Variants in CTNNBL1 observed in about 807,000 individuals in gnomAD.
CTNNBL1 encodes the protein beta-catenin-like protein 1.
Under a neutral mutation model 72.7 loss-of-function variants are expected in CTNNBL1, and 31 were observed. The observed-to-expected ratio is 0.43, with a 90% CI of 0.32 to 0.58. The LOEUF (loss-of-function observed/expected upper bound fraction) is 0.58, where lower values mean the gene tolerates loss of function less well. CTNNBL1 is among the 20% of genes least tolerant of loss of function. The pLI, the probability that CTNNBL1 is intolerant of heterozygous loss-of-function variation, is 0.08. For missense variants in CTNNBL1, 534 were observed against 725.1 expected (o/e 0.74, Z 3.03); for synonymous variants, 240 against 267.3 (o/e 0.90, Z 1.00).
intron 13 of CTNNBL1, among the ~76,000 whole-genome samples, chr20:37,859,227 C>A (rs376943012): frequency 6.6e-6 from 1 of 151,842 alleles, no homozygotes; most frequent in Non-Finnish European, 1.5e-5. Context: ...CGTGGTGGCA[C>A]GTGCCTGTAA....
chr20:37,788,501 C>T (rs1254907159), intron 10 of CTNNBL1, among the ~76,000 whole-genome samples: 2 of 152,186 alleles, frequency 1.3e-5, no homozygotes, highest in African/African-American at 4.8e-5. Flanking sequence ...TTTTCCCTGT[C>T]AAATTTTTCA....
At chr20:37,710,149 G>C (rs2072924589) in intron 1 of CTNNBL1, among the ~76,000 whole-genome samples, 3 of 152,198 alleles carry the variant, frequency 2.0e-5, no homozygotes, top group Admixed American at 2.0e-4. Context: ...GACACACTGT[G>C]ATCTCAGGAG....
At chr20:37,828,238 A>G (rs540234770) in intron 11 of CTNNBL1, among the ~76,000 whole-genome samples, 1 of 152,284 alleles carries the variant, frequency 6.6e-6, no homozygotes, top group South Asian at 2.1e-4. Flanking sequence ...CTGTAACAGG[A>G]TAGTTTCAGT....
Position 37,786,660 on chromosome 20 carries a change from G to A in CTNNBL1, c.1031+7325G>A, listed in dbSNP as rs898782347. On this transcript the variant is annotated intron_variant, in intron 10 of 15. Transcript: ENST00000361383. The stretch of plus-strand genomic sequence containing the variant: ...TTGTATATTTGTATACCTTTCCCCC[G>A]CCTTTAATTCTTTTTTTCTACTTTT... 5.3e-5 allele frequency among the ~76,000 whole-genome samples: 8 copies of A among 151,526 alleles called. No homozygotes were observed. The South Asian group carries it at 6.3e-4, about 12-fold the overall frequency.
At chr20:37,703,139 A>G (rs1251461326) in intron 1 of CTNNBL1, among the ~76,000 whole-genome samples, 3 of 152,272 alleles carry the variant, frequency 2.0e-5, no homozygotes, top group Non-Finnish European at 2.9e-5. Context: ...TTATAAAAAT[A>G]GTAGAGTTTC....
At chr20:37,871,851 A>G (rs2072587455) in intron 15 of CTNNBL1, 74 bp from the exon 16 acceptor site, 1 of 1,297,062 alleles carries the variant, frequency 7.7e-7, no homozygotes, top group Admixed American at 1.7e-5. Flanking sequence ...GGTTCTGGGA[A>G]AGGTATGAAG....
At chr20:37,719,418 C>T (rs1023630947) in intron 1 of CTNNBL1, among the ~76,000 whole-genome samples, 1 of 152,216 alleles carries the variant, frequency 6.6e-6, no homozygotes. Flanking sequence ...TCAGCCACAG[C>T]GCTAACCGGA....
intron 7 of CTNNBL1, among the ~76,000 whole-genome samples, 153 bp downstream of exon 7, chr20:37,768,197 C>T (rs913103507): frequency 2.6e-5 from 4 of 152,040 alleles, no homozygotes; most frequent in East Asian, 1.9e-4. Context: ...CGTTTTTGTT[C>T]GTTTTAAAAC....
chr20:37,858,493 G>T (rs961577222), intron 13 of CTNNBL1, among the ~76,000 whole-genome samples: 5 of 152,200 alleles, frequency 3.3e-5, no homozygotes, highest in Admixed American at 3.3e-4. Context: ...AAAATGATGT[G>T]AACTTGAACC....
intron 13 of CTNNBL1, among the ~76,000 whole-genome samples, chr20:37,849,505 C>T (rs1357509691): frequency 6.6e-6 from 1 of 152,280 alleles, no homozygotes; most frequent in Non-Finnish European, 1.5e-5. Flanking sequence ...GCTCCGAACT[C>T]TGCCCAGAAT....
intron 11 of CTNNBL1, among the ~76,000 whole-genome samples, chr20:37,827,990 C>T (rs1287308308): frequency 6.6e-6 from 1 of 152,132 alleles, no homozygotes; most frequent in Non-Finnish European, 1.5e-5. Context: ...ATGCGTTTCC[C>T]CCTTTGTTGC....
chr20:37,733,435 A>G (rs1436436920), intron 2 of CTNNBL1, among the ~76,000 whole-genome samples: 1 of 152,166 alleles, frequency 6.6e-6, no homozygotes, highest in Non-Finnish European at 1.5e-5. Context: ...GGTATTAGCA[A>G]AGCAACAAAA....
intron 6 of CTNNBL1, 132 bp downstream of exon 6, chr20:37,765,422 T>G: frequency 1.6e-6 from 1 of 607,882 alleles, no homozygotes; most frequent in Non-Finnish European, 2.9e-6. Flanking sequence ...CCAAACTGCC[T>G]TCTCAGAAAT....
chr20:37,768,094 C>T, intron 7 of CTNNBL1, 50 bp downstream of exon 7: 1 of 1,463,140 alleles, frequency 6.8e-7, no homozygotes, highest in Non-Finnish European at 9.6e-7. Flanking sequence ...TTGCTCTGGG[C>T]TTGATTGATG....
Position 37,751,136 on chromosome 20 carries a change from G to A in CTNNBL1, c.466+4529G>A, listed in dbSNP as rs570691423. The stretch of plus-strand genomic sequence containing the variant: ...GTCACTACAAATTTATCAAGGTATC[G>A]GGTCCATGGCTTAATTAAAAAAAAA... On this transcript the variant is annotated intron_variant, in intron 4 of 15. Transcript: ENST00000361383. 3.3e-5 allele frequency: 5 copies of A among 151,812 alleles called. No individual in the cohort carries two copies. The South Asian group carries it at 6.2e-4, about 19-fold the overall frequency. 9.4% of individuals were successfully genotyped at this position (151,812 alleles called of 1,614,324 possible). A position where few individuals can be genotyped will look rare whatever the true frequency, so the allele number is the denominator to read the frequency against.
intron 1 of CTNNBL1, among the ~76,000 whole-genome samples, chr20:37,707,305 G>C (rs2072894394): frequency 6.6e-6 from 1 of 152,210 alleles, no homozygotes; most frequent in Non-Finnish European, 1.5e-5. Flanking sequence ...TCCAACAGAA[G>C]GCTGTTTTGT....
chr20:37,739,078 CTGTGTGTGTGTGTG>C (rs34184566), intron 3 of CTNNBL1, among the ~76,000 whole-genome samples: 173 of 147,450 alleles, frequency 1.2e-3, no homozygotes, highest in African/African-American at 2.0e-3. Context: ...TACAGGAGCA[CTGTGTGTGTGTGTG>C]TGTGTGTGTG....
intron 13 of CTNNBL1, among the ~76,000 whole-genome samples, chr20:37,853,403 A>G (rs1239803305): frequency 1.3e-5 from 2 of 152,224 alleles, no homozygotes; most frequent in African/African-American, 4.8e-5. Context: ...ATTTTTTTCT[A>G]GAACTTTTAC....
rs941058617 is a variant in CTNNBL1, at chr20:37,698,281, C to T, written c.30+4129C>T. ...GCACTTTGATCTCGCCAGCCTAGGG[C>T]GGGCATGCTCATGTCCAGCTGGCCA... On this transcript the variant is annotated intron_variant, in intron 1 of 15. Coordinates refer to ENST00000361383, the MANE Select transcript of CTNNBL1 (RefSeq NM_030877.5). Among the ~76,000 whole-genome samples the T allele has an allele frequency of 5.3e-5, 8 of 152,192 alleles. No individual in the cohort carries two copies. In the East Asian group the frequency reaches 5.8e-4, roughly 11 times the overall value.
Sources: allele counts gnomAD v4.1 joint callset (sites outside exome capture counted in the v4.1 genomes callset), GRCh38; gene constraint gnomAD v4.1.1; transcripts MANE v1.5; gene names NCBI Gene and HGNC (gene_info 2026-07-23, HGNC 2026-07-21).